The following ABHD12B variants were observed in gnomAD, a reference collection of about 807,000 sequenced individuals.
ABHD12B encodes the protein abhydrolase domain containing 12B, also known as protein ABHD12B.
A neutral mutation model predicts 50.4 loss-of-function variants in ABHD12B; 42 were observed. The ratio of observed to expected loss-of-function variants is 0.83; its 90% CI spans 0.65 to 1.08. ABHD12B has a LOEUF of 1.08. Ranked by LOEUF, ABHD12B falls within the 50% of genes least tolerant of loss-of-function variation. The pLI, the probability that ABHD12B is intolerant of heterozygous loss-of-function variation, is 0.00. For missense variants in ABHD12B, 479 were observed against 447.7 expected (o/e 1.07, Z -0.63); for synonymous variants, 167 against 160.3 (o/e 1.04, Z -0.32).
chr14:50,876,204 T>G (rs1352158796), intron 1 of ABHD12B, among the ~76,000 whole-genome samples: 5 of 152,224 alleles, frequency 3.3e-5, no homozygotes, highest in Non-Finnish European at 7.3e-5. Context: ...TTCATTTCTT[T>G]CTTGCTGATT....
intron 8 of ABHD12B, among the ~76,000 whole-genome samples, chr14:50,887,798 G>A (rs1959530): frequency 0.96 from 145,712 of 152,252 alleles, 70,006 homozygotes; most frequent in East Asian, 1. Flanking sequence ...CTCCTAGACT[G>A]TAGTTCTTTG....
chr14:50,904,506 A>G lies in ABHD12B; in HGVS notation c.*140A>G. On this transcript the variant is annotated 3_prime_UTR_variant, in exon 13 of 13. Transcript: ENST00000337334. ...TCTCTACAAATCACTTGCCATTTTA[A>G]CAACAGAAAGTACGAATGTTAGGCA... 9.4e-7 allele frequency: 1 copy of G among 1,063,502 alleles called. No individual in the cohort carries two copies. Among genetic ancestry groups the G allele is most frequent in the Non-Finnish European group, 1.4e-6 (1 of 701,392 alleles). 65.9% of individuals were successfully genotyped at this position (1,063,502 alleles called of 1,614,324 possible).
intron 2 of ABHD12B, among the ~76,000 whole-genome samples, chr14:50,878,422 C>A (rs922250738): frequency 6.6e-6 from 1 of 152,192 alleles, no homozygotes; most frequent in African/African-American, 2.4e-5. Context: ...TTATTTTCTT[C>A]TAGGCCTTTT....
chr14:50,872,409 G>C, intron 1 of ABHD12B, 131 bp downstream of exon 1: 1 of 598,728 alleles, frequency 1.7e-6, no homozygotes, highest in Non-Finnish European at 2.4e-6. Context: ...CAGCATTGTG[G>C]CTTCCGGGGG....
At chr14:50,886,583 T>C (rs2050040874) in intron 7 of ABHD12B, 64 bp from the exon 8 acceptor site, 1 of 1,478,544 alleles carries the variant, frequency 6.8e-7, no homozygotes, top group Non-Finnish European at 9.3e-7. Flanking sequence ...CAGATGCTCA[T>C]ACCAGAAGTT....
chr14:50,889,960 C>A (rs747339865), intron 9 of ABHD12B, among the ~76,000 whole-genome samples: 1 of 152,170 alleles, frequency 6.6e-6, no homozygotes, highest in Non-Finnish European at 1.5e-5. Context: ...GGAAAAGTAG[C>A]TCACCACTTT....
rs769574822 is a variant in ABHD12B at position 50,904,106 on chromosome 14, C to A, written c.975C>A (p.Asn325Lys). 4 of 1,614,090 alleles carry A rather than the reference C, an allele frequency of 2.5e-6. No individual in the cohort carries two copies. Among genetic ancestry groups the A allele is most frequent in the Non-Finnish European group, 3.4e-6 (4 of 1,179,976 alleles). The change falls in exon 12 of 13, where the codon AAC becomes AAA. Residue 325 changes from asparagine (N) to lysine (K), a missense_variant. By Grantham distance (94) the Asn-to-Lys change is moderately conservative. Transcript: ENST00000337334. ...LYEIARNAYR[N>K]KERVKMVIFP... ...AAATTGCACGCAATGCATACAGGAA[C>A]AAAGAGAGGGTCAAGATGGTTATCT...
intron 7 of ABHD12B, 130 bp from the exon 8 acceptor site, chr14:50,886,517 C>T (rs898705428): frequency 7.1e-5 from 51 of 719,956 alleles, no homozygotes; most frequent in African/African-American, 7.0e-4. Flanking sequence ...TTTTAAATAG[C>T]GTGCAAATTT....
intron 1 of ABHD12B, among the ~76,000 whole-genome samples, chr14:50,873,461 C>T (rs1389263937): frequency 1.3e-5 from 2 of 152,214 alleles, no homozygotes; most frequent in African/African-American, 2.4e-5. Context: ...TTCCACCTGC[C>T]TTGGCACCCC....
At chr14:50,895,084 T>C (rs1470141294) in intron 9 of ABHD12B, among the ~76,000 whole-genome samples, 1 of 149,994 alleles carries the variant, frequency 6.7e-6, no homozygotes, top group Non-Finnish European at 1.5e-5. Context: ...ATTTAGGCTC[T>C]TTTTCATCAA....
chr14:50,894,945 C>T (rs1408195247), intron 9 of ABHD12B, among the ~76,000 whole-genome samples: 1 of 149,336 alleles, frequency 6.7e-6, no homozygotes, highest in Non-Finnish European at 1.5e-5. Context: ...CACACCTGGT[C>T]CTGCTTACAG....
At chr14:50,893,931 C>T (rs1044191946) in intron 9 of ABHD12B, among the ~76,000 whole-genome samples, 8 of 152,384 alleles carry the variant, frequency 5.2e-5, no homozygotes, top group African/African-American at 1.4e-4. Flanking sequence ...AAAACTCCGG[C>T]GCTGGCCACA....
chr14:50,876,061 C>T (rs957221240), intron 1 of ABHD12B, among the ~76,000 whole-genome samples: 1 of 152,200 alleles, frequency 6.6e-6, no homozygotes, highest in Non-Finnish European at 1.5e-5. Flanking sequence ...TGGGCTTGAT[C>T]TGTGGCTCAA....
In ABHD12B at chr14:50,888,789, T is replaced by A. The variant is rs375299810; in HGVS notation, c.701-35T>A. 4.2e-5 allele frequency: 67 copies of A among 1,578,882 alleles called. 2 individuals carry two copies. In the East Asian group the frequency reaches 1.5e-3, roughly 35 times the overall value. On this transcript the variant is annotated intron_variant, in intron 8 of 12. Transcript: ENST00000337334. ...GAAAGATGGTATTTGAATAGGGGAG[T>A]TACTGATTTCTTTCTTTCTTTCTTT...
In ABHD12B at chr14:50,888,877, G is replaced by A; in HGVS notation, c.754G>A (p.Ala252Thr). 1 of 1,613,996 alleles carries A rather than the reference G, an allele frequency of 6.2e-7. No homozygotes were observed. Among genetic ancestry groups the A allele is most frequent in the Non-Finnish European group, 8.5e-7 (1 of 1,179,966 alleles). Reference sequence around the variant, plus strand: ...AGCTCCATTTACCAACATGTGGGTTGCAAGTATCAATTATCCCTTGTTAAA... The same window carrying A: ...AGCTCCATTTACCAACATGTGGGTTACAAGTATCAATTATCCCTTGTTAAA... Reference protein sequence around the residue: ...LEAPFTNMWVASINYPLLKIY... With the variant: ...LEAPFTNMWVTSINYPLLKIY... Residue 252 changes from alanine to threonine, a missense_variant, in exon 9 of 13, where the codon GCA becomes ACA. By Grantham distance (58) the Ala-to-Thr change is moderately conservative. Transcript: ENST00000337334.
intron 7 of ABHD12B, 112 bp downstream of exon 7, chr14:50,886,007 T>C: frequency 1.4e-6 from 2 of 1,468,454 alleles, no homozygotes; most frequent in Non-Finnish European, 1.9e-6. Context: ...AGGGACTCTT[T>C]GCTGATCATT....
chr14:50,901,791 G>T (rs1330998990), intron 9 of ABHD12B, 38 bp from the exon 10 acceptor site: 1 of 1,385,084 alleles, frequency 7.2e-7, no homozygotes, highest in South Asian at 1.3e-5. Context: ...GCATAGCTAT[G>T]GGGCAAATAT....
chr14:50,900,686 G>A (rs1288807155), intron 9 of ABHD12B, among the ~76,000 whole-genome samples: 1 of 152,152 alleles, frequency 6.6e-6, no homozygotes, highest in Admixed American at 6.6e-5. Context: ...CTCAGGCTGG[G>A]GTAAAAGTAA....
At chr14:50,873,203 C>CTT (rs1362086728) in intron 1 of ABHD12B, among the ~76,000 whole-genome samples, 6 of 151,592 alleles carry the variant, frequency 4.0e-5, no homozygotes, top group African/African-American at 7.3e-5. Context: ...AAACGGGGAT[C>CTT]TTTTCTCTCT....
Sources: allele counts gnomAD v4.1 joint callset (sites outside exome capture counted in the v4.1 genomes callset), GRCh38; gene constraint gnomAD v4.1.1; transcripts MANE v1.5; gene names NCBI Gene and HGNC (gene_info 2026-07-23, HGNC 2026-07-21).